The following GRM5 variants were observed in gnomAD, a reference collection of about 807,000 sequenced individuals.
GRM5 encodes the protein glutamate metabotropic receptor 5, also known as metabotropic glutamate receptor 5.
GRM5 carries 19 observed loss-of-function variants against 83.1 expected under a neutral mutation model. That is an observed-to-expected ratio of 0.23 (90% CI 0.16 to 0.34). GRM5 has a LOEUF of 0.34. Ranked by LOEUF, GRM5 falls within the 10% of genes least tolerant of loss-of-function variation. The pLI is 1.00. For synonymous variants in GRM5, 675 were observed against 633.6 expected, an observed-to-expected ratio of 1.07 and a Z score of -0.98; for missense variants, 1,160 against 1,588.3, an observed-to-expected ratio of 0.73 and a Z score of 4.58.
chr11:88,713,010 G>C (rs1285828318), intron 3 of GRM5, among the ~76,000 whole-genome samples: 1 of 151,976 alleles, frequency 6.6e-6, no homozygotes, highest in Non-Finnish European at 1.5e-5. Flanking sequence ...GTAGGCTCCA[G>C]TTTACAAAAA....
intron 4 of GRM5, among the ~76,000 whole-genome samples, chr11:88,609,307 T>C (rs1362807334): frequency 6.6e-6 from 1 of 152,230 alleles, no homozygotes; most frequent in Non-Finnish European, 1.5e-5. Context: ...TGATCTATGT[T>C]GCAGCAAAGG....
chr11:88,613,276 C>T (rs1026704281), intron 4 of GRM5, among the ~76,000 whole-genome samples: 1 of 152,112 alleles, frequency 6.6e-6, no homozygotes, highest in African/African-American at 2.4e-5. Context: ...CCTGATGATA[C>T]GTCTGACATT....
At chr11:88,548,208 A>C (rs1942426554) in intron 8 of GRM5, among the ~76,000 whole-genome samples, 1 of 152,208 alleles carries the variant, frequency 6.6e-6, no homozygotes, top group Non-Finnish European at 1.5e-5. Flanking sequence ...CTTTTCTCTC[A>C]TATTAAGTGT....
At chr11:88,806,771 T>C (rs948322101) in intron 3 of GRM5, among the ~76,000 whole-genome samples, 1 of 152,128 alleles carries the variant, frequency 6.6e-6, no homozygotes, top group Non-Finnish European at 1.5e-5. Flanking sequence ...TTTTTTTTGG[T>C]ATCCTGTGAA....
chr11:89,025,294 G>A (rs1941102592), intron 2 of GRM5, among the ~76,000 whole-genome samples: 1 of 152,158 alleles, frequency 6.6e-6, no homozygotes, highest in Non-Finnish European at 1.5e-5. Context: ...AAGCTCAGTG[G>A]CTCAGATGGA....
At chr11:88,891,610 C>CTAAGTATATTCTATCAA (rs59362348) in intron 2 of GRM5, among the ~76,000 whole-genome samples, 1 of 38,356 alleles carries the variant, frequency 2.6e-5, no homozygotes. Context: ...ATTCTAATGT[C>CTAAGTATATTCTATCAA]TCATAATTAA....
At chr11:88,556,617 G>T (rs1942635111) in intron 8 of GRM5, among the ~76,000 whole-genome samples, 1 of 152,072 alleles carries the variant, frequency 6.6e-6, no homozygotes, top group South Asian at 2.1e-4. Flanking sequence ...CACCATGCAT[G>T]GCCCTGTGGG....
intron 2 of GRM5, among the ~76,000 whole-genome samples, chr11:89,010,572 T>C (rs1415981523): frequency 6.6e-6 from 1 of 151,980 alleles, no homozygotes; most frequent in Non-Finnish European, 1.5e-5. Context: ...GTTAAAATGA[T>C]ATATAGCTGT....
intron 1 of GRM5, among the ~76,000 whole-genome samples, chr11:89,064,187 T>C (rs10219362): frequency 1.3e-5 from 2 of 152,324 alleles, no homozygotes; most frequent in Admixed American, 6.5e-5. Flanking sequence ...ATCTTTAAAC[T>C]GGATTGGCAC....
At chr11:88,713,318 A>G (rs1941323528) in intron 3 of GRM5, among the ~76,000 whole-genome samples, 1 of 152,066 alleles carries the variant, frequency 6.6e-6, no homozygotes, top group Admixed American at 6.6e-5. Flanking sequence ...CTTTGGGTAG[A>G]TAACCTGATG....
chr11:89,011,913 G>T (rs141705907), intron 2 of GRM5, among the ~76,000 whole-genome samples: 1 of 152,086 alleles, frequency 6.6e-6, no homozygotes, highest in African/African-American at 2.4e-5. Flanking sequence ...AAATTTGATC[G>T]TTTCACAGAA....
intron 3 of GRM5, among the ~76,000 whole-genome samples, chr11:88,692,048 A>G (rs1462024537): frequency 6.6e-6 from 1 of 152,160 alleles, no homozygotes; most frequent in African/African-American, 2.4e-5. Context: ...CCCCAGAAAC[A>G]CTGGAAGCTG....
chr11:89,029,995 C>A (rs1941224595), intron 2 of GRM5, among the ~76,000 whole-genome samples: 1 of 152,038 alleles, frequency 6.6e-6, no homozygotes, highest in Admixed American at 6.6e-5. Context: ...CTTGCTTTTT[C>A]CTTCTTTCTG....
At chr11:89,052,009 C>G (rs1591080088) in intron 1 of GRM5, among the ~76,000 whole-genome samples, 1 of 152,302 alleles carries the variant, frequency 6.6e-6, no homozygotes, top group East Asian at 1.9e-4. Flanking sequence ...AGAGAGGAAT[C>G]AGGGTCTACT....
At position 88,862,389 on chromosome 11, in the gene GRM5, G is replaced by GT. The variant is rs539637111; in HGVS notation, c.662-12235dup. Among the ~76,000 whole-genome samples, 21 of 151,614 alleles carry GT rather than the reference G, an allele frequency of 1.4e-4. No homozygotes were observed. In the East Asian group the frequency reaches 3.5e-3, roughly 25 times the overall value. On this transcript the variant is annotated intron_variant, in intron 2 of 9. Transcript: ENST00000305447. ...TTTATTTCACTTAGCAAACTTTATT[G>GT]TTTTTTGGGGAAATATAGTCATTTT...
chr11:88,530,942 G>C (rs185284243), intron 8 of GRM5, among the ~76,000 whole-genome samples: 17 of 152,096 alleles, frequency 1.1e-4, no homozygotes, highest in Admixed American at 3.3e-4. Flanking sequence ...AAAGAAGCTT[G>C]GTACTCATCT....
At position 88,814,357 on chromosome 11, in the gene GRM5, G is replaced by A. The variant is rs990861530; in HGVS notation, c.911+35549C>T. ...GACAATCCACAGAGGGCCTTTTTTG[G>A]GTATTTAGCAAATAATTTATCAGTA... On this transcript the variant is annotated intron_variant, in intron 3 of 9. Coordinates refer to ENST00000305447, the MANE Select transcript of GRM5 (RefSeq NM_001143831.3). Among the ~76,000 whole-genome samples, 11 of 152,140 alleles carry A rather than the reference G, an allele frequency of 7.2e-5. No individual in the cohort carries two copies. In the East Asian group the frequency reaches 2.1e-3, roughly 29 times the overall value.
intron 8 of GRM5, among the ~76,000 whole-genome samples, chr11:88,527,999 G>T (rs988963418): frequency 5.3e-5 from 8 of 151,870 alleles, no homozygotes; most frequent in African/African-American, 1.7e-4. Context: ...TTATTACCTG[G>T]GTGATGAAAT....
chr11:88,617,707 G>C (rs1044905350), intron 4 of GRM5, among the ~76,000 whole-genome samples: 9 of 152,148 alleles, frequency 5.9e-5, no homozygotes, highest in Non-Finnish European at 8.8e-5. Flanking sequence ...GTGACCAAAG[G>C]AACTGTATCC....
Sources: allele counts gnomAD v4.1 joint callset (sites outside exome capture counted in the v4.1 genomes callset), GRCh38; gene constraint gnomAD v4.1.1; transcripts MANE v1.5; gene names NCBI Gene and HGNC (gene_info 2026-07-23, HGNC 2026-07-21).